The following TRIP12 variants were observed in gnomAD, a reference collection of about 807,000 sequenced individuals.
TRIP12 encodes E3 ubiquitin-protein ligase TRIP12.
TRIP12 carries 25 observed loss-of-function variants against 244.2 expected under a neutral mutation model. That is an observed-to-expected ratio of 0.10 (90% confidence interval 0.07 to 0.14). The LOEUF (loss-of-function observed/expected upper bound fraction) is 0.14, where lower values mean the gene tolerates loss of function less well. Ranked by LOEUF, TRIP12 falls within the 10% of genes least tolerant of loss-of-function variation. TRIP12 has a pLI of 1.00. For synonymous variants in TRIP12, 905 were observed against 873.1 expected, an observed-to-expected ratio of 1.04 and a Z score of -0.64; for missense variants, 1,677 against 2,486.4, an observed-to-expected ratio of 0.67 and a Z score of 6.92.
rs34969936 is a variant in TRIP12, at chr2:229,786,564, ATTTTTTTTTTT to A, written c.4996-720_4996-710del. 1.5e-4 allele frequency among the ~76,000 whole-genome samples: 12 copies of A among 78,022 alleles called. 1 individual carries two copies. Among genetic ancestry groups the A allele is most frequent in the South Asian group, 1.1e-3 (2 of 1,858 alleles). The allele number at this position is 78,022 out of a possible 152,430, so 51.2% of individuals were successfully genotyped here. A position where few individuals can be genotyped will look rare whatever the true frequency, so the allele number is the denominator to read the frequency against. ...AGGCATGCGCCACCACGCCCAGATAATTTTTTTTTTTTTTTTTTTTTTTTTTGTATTTTTAG... is the reference window on the plus strand; with the variant it reads ...AGGCATGCGCCACCACGCCCAGATAATTTTTTTTTTTTTTTGTATTTTTAG... On this transcript the variant is annotated intron_variant, in intron 33 of 41. Transcript: ENST00000675903.
At chr2:229,802,136 G>T (rs1024508593) in intron 21 of TRIP12, 116 bp downstream of exon 21, 2 of 726,044 alleles carry the variant, frequency 2.8e-6, no homozygotes, top group Non-Finnish European at 3.9e-6. Flanking sequence ...AATACAAAAG[G>T]AAAAATATAA....
At chr2:229,864,047 A>AGAGAGAGAGAGAGTGTGTGTGT in intron 2 of TRIP12, among the ~76,000 whole-genome samples, 7 of 79,316 alleles carry the variant, frequency 8.8e-5, no homozygotes, top group South Asian at 1.0e-3. Context: ...AGAGAGAGAG[A>AGAGAGAGAGAGAGTGTGTGTGT]GTGTGTGTGT....
chr2:229,786,903 C>T (rs1445695702), intron 33 of TRIP12, among the ~76,000 whole-genome samples: 1 of 152,032 alleles, frequency 6.6e-6, no homozygotes, highest in Non-Finnish European at 1.5e-5. Context: ...GGTAAATGAA[C>T]AGAAAAGACC....
chr2:229,860,616 C>A, intron 2 of TRIP12, 85 bp from the exon 3 acceptor site: 1 of 1,250,218 alleles, frequency 8.0e-7, no homozygotes, highest in South Asian at 2.2e-5. Context: ...TTATATATTT[C>A]TTAAAGCTTC....
chr2:229,786,986 G>A (rs544717771), intron 33 of TRIP12, among the ~76,000 whole-genome samples: 2 of 152,356 alleles, frequency 1.3e-5, no homozygotes, highest in East Asian at 3.9e-4. Flanking sequence ...CCGTGGTTCA[G>A]AGCCACAAAT....
intron 3 of TRIP12, 72 bp from the exon 4 acceptor site, chr2:229,859,646 A>G: frequency 6.8e-7 from 1 of 1,474,234 alleles, no homozygotes; most frequent in South Asian, 1.3e-5. Context: ...AATGCTTTCA[A>G]AAAATAAAGT....
At chr2:229,816,445 C>T (rs562426723) in intron 9 of TRIP12, among the ~76,000 whole-genome samples, 1 of 152,066 alleles carries the variant, frequency 6.6e-6, no homozygotes, top group Non-Finnish European at 1.5e-5. Context: ...ATTAAATAAC[C>T]TTGTTATACT....
At chr2:229,870,284 C>T (rs1256660456) in intron 2 of TRIP12, among the ~76,000 whole-genome samples, 3 of 152,230 alleles carry the variant, frequency 2.0e-5, no homozygotes, top group South Asian at 2.1e-4. Flanking sequence ...AGGGCTTGAT[C>T]TAGCTTCAGA....
intron 34 of TRIP12, among the ~76,000 whole-genome samples, chr2:229,779,890 G>C (rs965702026): frequency 3.3e-5 from 5 of 152,174 alleles, no homozygotes; most frequent in African/African-American, 1.2e-4. Context: ...TTCACGATCT[G>C]TCAAGGTCCC....
rs780919526 is a variant in TRIP12, at chr2:229,804,244, A to C, written c.2651-17T>G. 1.0e-5 allele frequency: 16 copies of C among 1,589,062 alleles called. No individual in the cohort carries two copies. In the African/African-American group the frequency reaches 2.0e-4, roughly 20 times the overall value. On this transcript the variant is annotated splice_polypyrimidine_tract_variant and intron_variant, in intron 18 of 41. Coordinates refer to ENST00000675903, the MANE Select transcript of TRIP12 (RefSeq NM_001348323.3). ...AATATCCACCTATTACATTAAAAAA[A>C]AATATATGTGCAATCCTGAAGTGAC... is the stretch of plus-strand genomic sequence containing the variant.
At chr2:229,806,993 G>C (rs531071755) in intron 17 of TRIP12, among the ~76,000 whole-genome samples, 1 of 152,138 alleles carries the variant, frequency 6.6e-6, no homozygotes, top group Non-Finnish European at 1.5e-5. Context: ...TCCTAAGCTA[G>C]AGCAAATATT....
At chr2:229,856,178 C>T (rs1045544312) in intron 4 of TRIP12, among the ~76,000 whole-genome samples, 7 of 152,008 alleles carry the variant, frequency 4.6e-5, no homozygotes, top group African/African-American at 1.7e-4. Flanking sequence ...GCTTAGGCTA[C>T]GATGAGAGAT....
At chr2:229,912,474 T>C (rs1165983136) in intron 1 of TRIP12, among the ~76,000 whole-genome samples, 1 of 152,216 alleles carries the variant, frequency 6.6e-6, no homozygotes, top group East Asian at 1.9e-4. Context: ...TTATTTCATA[T>C]ATATGGACCC....
rs756738827 is a variant in TRIP12, at chr2:229,807,710, C to G, written c.2494G>C (p.Glu832Gln). The G allele has an allele frequency of 6.2e-7, 1 of 1,614,170 alleles. No individual in the cohort carries two copies. The highest frequency in any genetic ancestry group is 8.5e-7 in the Non-Finnish European group (1 of 1,180,030). Residue 832 changes from glutamate (E) to glutamine (Q), a missense_variant and splice_region_variant, in exon 17 of 42, where the codon GAG becomes CAG. Around this residue, in one of 11 missense-constraint regions of TRIP12, gnomAD observed 572 missense variants for 867.8 expected, o/e 0.66. Coordinates refer to ENST00000675903, the MANE Select transcript of TRIP12 (RefSeq NM_001348323.3). Reference protein sequence around the residue: ...PYNRIDSRIIEAAHQVGEDEI... With the variant: ...PYNRIDSRIIQAAHQVGEDEI... ...AAACGGTACGATGAAACTACTACCTCAATGATCCGGCTGTCAATCCTGTTA... is the reference window on the plus strand; with the variant it reads ...AAACGGTACGATGAAACTACTACCTGAATGATCCGGCTGTCAATCCTGTTA...
At position 229,805,803 on chromosome 2, in the gene TRIP12, C is replaced by T; in HGVS notation, c.2577G>A (p.Gln859=). The stretch of plus-strand genomic sequence containing the variant: ...CTGTTCCCGTGTCCTCATTGATTTG[C>T]TGCATAGAATTAAAATCAATAGTAT... ...RVYTIDFNSM[Q]QINEDTGTAR... Residue 859 remains glutamine (Q), a synonymous_variant, in exon 18 of 42, where the codon CAG becomes CAA. Coordinates refer to ENST00000675903, the MANE Select transcript of TRIP12 (RefSeq NM_001348323.3). 6.2e-7 allele frequency: 1 copy of T among 1,611,206 alleles called. No homozygotes were observed. Among genetic ancestry groups the T allele is most frequent in the Non-Finnish European group, 8.5e-7 (1 of 1,177,734 alleles).
intron 1 of TRIP12, chr2:229,894,317 T>C (rs192485214): frequency 6.6e-6 from 1 of 152,304 alleles, no homozygotes; most frequent in Admixed American, 6.5e-5. Flanking sequence ...TCTAATATCA[T>C]TTCAAGCTTT....
chr2:229,896,511 C>T (rs958410908), intron 1 of TRIP12, among the ~76,000 whole-genome samples: 1 of 151,986 alleles, frequency 6.6e-6, no homozygotes, highest in Admixed American at 6.6e-5. Context: ...GGTCAGGAGG[C>T]TGAGGCAGGA....
intron 6 of TRIP12, among the ~76,000 whole-genome samples, chr2:229,834,111 C>T (rs1045074822): frequency 5.3e-5 from 8 of 152,294 alleles, no homozygotes; most frequent in Non-Finnish European, 2.9e-5. Context: ...CAGATATTTC[C>T]CGTTTAGTCT....
intron 1 of TRIP12, among the ~76,000 whole-genome samples, chr2:229,888,081 G>A (rs555759420): frequency 6.6e-6 from 1 of 152,278 alleles, no homozygotes; most frequent in African/African-American, 2.4e-5. Context: ...TAGTCAAACA[G>A]TATCTTTGCT....
Sources: allele counts gnomAD v4.1 joint callset (sites outside exome capture counted in the v4.1 genomes callset), GRCh38; gene constraint gnomAD v4.1.1; regional missense constraint gnomAD v4.1.1; transcripts MANE v1.5; gene names NCBI Gene and HGNC (gene_info 2026-07-23, HGNC 2026-07-21).